The following SLC12A8 variants were observed in gnomAD, a reference collection of about 807,000 sequenced individuals.
SLC12A8 encodes solute carrier family 12 member 8, also known as cation-chloride cotransporter 9.
Under a neutral mutation model 75.6 loss-of-function variants are expected in SLC12A8, and 69 were observed. That is an observed-to-expected ratio of 0.91 (90% CI 0.75 to 1.11). SLC12A8 has a LOEUF of 1.11. Ranked by LOEUF, SLC12A8 falls within the 50% of genes most tolerant of loss-of-function variation. SLC12A8 has a pLI of 0.00. For synonymous variants in SLC12A8, 365 were observed against 372.8 expected (o/e 0.98, Z 0.24); for missense variants, 877 against 896.7 (o/e 0.98, Z 0.28).
At chr3:125,136,816 G>A (rs1933505566) in intron 5 of SLC12A8, among the ~76,000 whole-genome samples, 1 of 152,168 alleles carries the variant, frequency 6.6e-6, no homozygotes, top group Non-Finnish European at 1.5e-5. Context: ...TTTGTCAAAG[G>A]AGGTCACTTT....
intron 5 of SLC12A8, among the ~76,000 whole-genome samples, chr3:125,173,206 CT>C (rs1934444337): frequency 6.6e-6 from 1 of 151,964 alleles, no homozygotes. Flanking sequence ...AAAGAAACCA[CT>C]GGTGAAAAGG....
rs546792786 is a variant in SLC12A8 at position 125,147,626 on chromosome 3, ATACATCCTGCCC to A, written c.623-11856_623-11845del. On this transcript the variant is annotated intron_variant, in intron 5 of 13. Coordinates refer to ENST00000469902, the MANE Select transcript of SLC12A8 (RefSeq NM_024628.6). ...GGGGTGCTGGATGAGTCCAGTGACC[ATACATCCTGCCC>A]TACATCCTGCCTGGACAGCCTGGGA... Among the ~76,000 whole-genome samples, 55 of 152,310 alleles carry A rather than the reference ATACATCCTGCCC, an allele frequency of 3.6e-4. No individual in the cohort carries two copies. The South Asian group carries it at 0.011, about 30-fold the overall frequency.
At chr3:125,208,707 A>C (rs1935273014) in intron 2 of SLC12A8, among the ~76,000 whole-genome samples, 1 of 149,426 alleles carries the variant, frequency 6.7e-6, no homozygotes, top group Admixed American at 6.7e-5. Flanking sequence ...ACTCAGATCT[A>C]CAGCTCCTTC....
intron 10 of SLC12A8, 30 bp downstream of exon 10, chr3:125,107,451 G>A (rs752283870): frequency 3.8e-6 from 6 of 1,564,670 alleles, no homozygotes; most frequent in African/African-American, 1.4e-5. Context: ...CCCCAAATAA[G>A]AGGCCCCAGT....
intron 8 of SLC12A8, 73 bp downstream of exon 8, chr3:125,118,696 G>A (rs1932960939): frequency 9.8e-7 from 1 of 1,025,290 alleles, no homozygotes; most frequent in Non-Finnish European, 1.5e-6. Flanking sequence ...AGGGGAAGGT[G>A]GCCATTTGTT....
At chr3:125,092,018 T>TC in intron 11 of SLC12A8, 83 bp downstream of exon 11, 2 of 935,118 alleles carry the variant, frequency 2.1e-6, no homozygotes. Context: ...CCTCCATCTT[T>TC]CCTCCCCCAC....
intron 2 of SLC12A8, among the ~76,000 whole-genome samples, chr3:125,198,408 T>C (rs1935047582): frequency 1.3e-5 from 2 of 151,994 alleles, no homozygotes; most frequent in African/African-American, 2.4e-5. Flanking sequence ...CTGAGGTGGG[T>C]GATCACCTGA....
chr3:125,202,642 T>G (rs1371037148), intron 2 of SLC12A8, among the ~76,000 whole-genome samples: 3 of 73,616 alleles, frequency 4.1e-5, no homozygotes. Flanking sequence ...TTTTTTTTTT[T>G]TTTTTTTTAA....
At chr3:125,134,670 T>C (rs1933443828) in intron 6 of SLC12A8, among the ~76,000 whole-genome samples, 1 of 152,208 alleles carries the variant, frequency 6.6e-6, no homozygotes, top group Non-Finnish European at 1.5e-5. Context: ...CCATTTTACA[T>C]TCCCTTCAGC....
intron 10 of SLC12A8, among the ~76,000 whole-genome samples, chr3:125,101,395 G>A (rs1938871900): frequency 1.3e-5 from 2 of 152,222 alleles, no homozygotes; most frequent in Non-Finnish European, 2.9e-5. Flanking sequence ...GAATGGACAT[G>A]AATGAGTGAG....
At position 125,190,370 on chromosome 3, in the gene SLC12A8, C is replaced by T. The variant is rs765216801; in HGVS notation, c.198+5G>A. ...GAGGCTCCAGGCCACCAACTCAGCA[C>T]TCACCACCAGCCAGCCAGTCCTCAG... On this transcript the variant is annotated splice_donor_5th_base_variant and intron_variant, in intron 3 of 13. Coordinates refer to ENST00000469902, the MANE Select transcript of SLC12A8 (RefSeq NM_024628.6). 1 of 1,614,070 alleles carries T rather than the reference C, an allele frequency of 6.2e-7. No homozygotes were observed. The highest frequency in any genetic ancestry group is 1.1e-5 in the South Asian group (1 of 91,042).
chr3:125,189,217 C>T lies in SLC12A8; in HGVS notation c.198+1158G>A, dbSNP rs1237298542. 2.0e-5 allele frequency among the ~76,000 whole-genome samples: 3 copies of T among 152,200 alleles called. No individual in the cohort carries two copies. In the South Asian group the frequency reaches 6.2e-4, roughly 31 times the overall value. ...TCCCAAAGAGGAAGGAATTCTGCCTCCAGGCTGCAATACAGAAATTCTTCC... is the reference window on the plus strand; with the variant it reads ...TCCCAAAGAGGAAGGAATTCTGCCTTCAGGCTGCAATACAGAAATTCTTCC... On this transcript the variant is annotated intron_variant, in intron 3 of 13. Coordinates refer to ENST00000469902, the MANE Select transcript of SLC12A8 (RefSeq NM_024628.6).
intron 5 of SLC12A8, among the ~76,000 whole-genome samples, chr3:125,158,632 C>A (rs984549362): frequency 3.3e-5 from 5 of 152,188 alleles, no homozygotes; most frequent in Admixed American, 1.3e-4. Context: ...CATGAAATCA[C>A]TATTTTCCCT....
Position 125,135,816 on chromosome 3 carries a change from A to G in SLC12A8, c.623-34T>C, listed in dbSNP as rs778194989. 15 of 1,279,844 alleles carry G rather than the reference A, an allele frequency of 1.2e-5. No homozygotes were observed. In the South Asian group the frequency reaches 1.4e-4, roughly 12 times the overall value. The allele number at this position is 1,279,844 out of a possible 1,614,324, so 79.3% of individuals were successfully genotyped here. On this transcript the variant is annotated intron_variant, in intron 5 of 13. Coordinates refer to ENST00000469902, the MANE Select transcript of SLC12A8 (RefSeq NM_024628.6). ...AAGCAATGGAGAGCAACGTAAGCCC[A>G]GTGAGAAGACACAGGACACATTTCC...
At chr3:125,091,741 C>A (rs891405121) in intron 11 of SLC12A8, among the ~76,000 whole-genome samples, 185 bp from the exon 12 acceptor site, 5 of 152,144 alleles carry the variant, frequency 3.3e-5, no homozygotes, top group African/African-American at 1.2e-4. Flanking sequence ...TGGGCAGACA[C>A]CTTCTGAAAA....
chr3:125,123,733 C>A (rs1363808752), intron 6 of SLC12A8: 1 of 152,170 alleles, frequency 6.6e-6, no homozygotes, highest in Non-Finnish European at 1.5e-5. Flanking sequence ...TCCCTCCCAC[C>A]AGGTTCCTCC....
chr3:125,168,834 C>T (rs1316480459), intron 5 of SLC12A8, among the ~76,000 whole-genome samples: 1 of 152,188 alleles, frequency 6.6e-6, no homozygotes, highest in East Asian at 1.9e-4. Flanking sequence ...TCCTCACAGC[C>T]AAGCACAAGC....
chr3:125,155,919 C>T (rs1934039963), intron 5 of SLC12A8, among the ~76,000 whole-genome samples: 1 of 151,330 alleles, frequency 6.6e-6, no homozygotes, highest in Non-Finnish European at 1.5e-5. Context: ...CACATATTCT[C>T]AGAGAAGCAA....
At chr3:125,139,608 C>G (rs1020263220) in intron 5 of SLC12A8, among the ~76,000 whole-genome samples, 1 of 152,198 alleles carries the variant, frequency 6.6e-6, no homozygotes, top group African/African-American at 2.4e-5. Flanking sequence ...AACCTGGTGG[C>G]CCACCCAGAC....
Sources: allele counts gnomAD v4.1 joint callset (sites outside exome capture counted in the v4.1 genomes callset), GRCh38; gene constraint gnomAD v4.1.1; transcripts MANE v1.5; gene names NCBI Gene and HGNC (gene_info 2026-07-23, HGNC 2026-07-21).